The following NOL4 variants were observed in gnomAD, a reference collection of about 807,000 sequenced individuals.
NOL4 encodes nucleolar protein 4, also known as cancer/testis antigen 125.
Under a neutral mutation model 75.9 loss-of-function variants are expected in NOL4, and 17 were observed. The observed-to-expected ratio is 0.22, with a 90% CI of 0.15 to 0.34. NOL4 has a LOEUF of 0.34. Ranked by LOEUF, NOL4 falls within the 10% of genes least tolerant of loss-of-function variation. NOL4 has a pLI of 1.00. For synonymous variants in NOL4, 292 were observed against 289.9 expected, an observed-to-expected ratio of 1.01 and a Z score of -0.07; for missense variants, 614 against 793.5, an observed-to-expected ratio of 0.77 and a Z score of 2.72.
At chr18:34,024,451 A>C (rs1197107640) in intron 5 of NOL4, among the ~76,000 whole-genome samples, 1 of 151,640 alleles carries the variant, frequency 6.6e-6, no homozygotes, top group African/African-American at 2.4e-5. Flanking sequence ...TTCATATCCA[A>C]AAAAGAAAAA....
chr18:34,187,179 C>A (rs573867834), intron 1 of NOL4, among the ~76,000 whole-genome samples: 71 of 152,226 alleles, frequency 4.7e-4, no homozygotes, highest in African/African-American at 1.6e-3. Flanking sequence ...TTGTGCTCTG[C>A]CTATTCATCC....
chr18:34,093,379 G>T, intron 5 of NOL4, 86 bp downstream of exon 5: 1 of 1,315,178 alleles, frequency 7.6e-7, no homozygotes, highest in Non-Finnish European at 1.0e-6. Context: ...ATTGACACAA[G>T]AATTAAGAGG....
chr18:33,997,023 G>A (rs903288105), intron 6 of NOL4, among the ~76,000 whole-genome samples: 29 of 151,644 alleles, frequency 1.9e-4, no homozygotes, highest in Non-Finnish European at 2.5e-4. Context: ...TGCATAATTC[G>A]CAAATATATT....
At chr18:34,014,052 G>A (rs1049819112) in intron 6 of NOL4, among the ~76,000 whole-genome samples, 4 of 151,696 alleles carry the variant, frequency 2.6e-5, no homozygotes, top group South Asian at 4.1e-4. Context: ...TCAATCCATC[G>A]CTCTTAGTTT....
intron 10 of NOL4, among the ~76,000 whole-genome samples, chr18:33,879,860 G>A (rs1273645990): frequency 1.3e-5 from 2 of 151,888 alleles, no homozygotes; most frequent in African/African-American, 4.8e-5. Context: ...TTGTCAGTGG[G>A]TCTTTGAAAT....
At chr18:33,891,442 T>C (rs558220664) in intron 9 of NOL4, among the ~76,000 whole-genome samples, 35 of 152,130 alleles carry the variant, frequency 2.3e-4, no homozygotes, top group Non-Finnish European at 4.1e-4. Flanking sequence ...CTGCAAATAC[T>C]TGTAGCTATG....
At chr18:34,052,485 C>T (rs1346823331) in intron 5 of NOL4, among the ~76,000 whole-genome samples, 1 of 151,958 alleles carries the variant, frequency 6.6e-6, no homozygotes, top group Admixed American at 6.6e-5. Context: ...GTGTTAAACA[C>T]AAACATAGAG....
intron 2 of NOL4, among the ~76,000 whole-genome samples, chr18:34,128,579 G>A (rs2080487279): frequency 6.6e-6 from 1 of 151,868 alleles, no homozygotes; most frequent in Non-Finnish European, 1.5e-5. Flanking sequence ...CATTAGTCAT[G>A]AAAAGAATGT....
intron 9 of NOL4, among the ~76,000 whole-genome samples, chr18:33,908,297 C>T (rs772330024): frequency 9.2e-5 from 14 of 152,202 alleles, no homozygotes; most frequent in South Asian, 2.1e-4. Flanking sequence ...TATTTCTTTT[C>T]GAGCAAGTAG....
chr18:34,209,823 G>A (rs570351741), intron 1 of NOL4, among the ~76,000 whole-genome samples: 2 of 152,232 alleles, frequency 1.3e-5, no homozygotes, highest in African/African-American at 4.8e-5. Flanking sequence ...TGATTTAAAG[G>A]GGTTAAAATA....
At chr18:33,901,950 AG>A (rs1295422660) in intron 9 of NOL4, among the ~76,000 whole-genome samples, 1 of 152,086 alleles carries the variant, frequency 6.6e-6, no homozygotes, top group Non-Finnish European at 1.5e-5. Flanking sequence ...TATTTTTAGT[AG>A]GAAAGCTTAA....
intron 10 of NOL4, among the ~76,000 whole-genome samples, chr18:33,862,214 C>A (rs1230669539): frequency 1.3e-5 from 2 of 152,018 alleles, no homozygotes; most frequent in Non-Finnish European, 2.9e-5. Flanking sequence ...ACTGGCTAGC[C>A]ATATGTAGAA....
intron 6 of NOL4, among the ~76,000 whole-genome samples, chr18:34,000,762 A>G (rs2073638778): frequency 6.6e-6 from 1 of 152,148 alleles, no homozygotes; most frequent in South Asian, 2.1e-4. Context: ...CATATTATTA[A>G]TTATGGGCAA....
chr18:33,966,830 T>C (rs1193846925), intron 6 of NOL4, among the ~76,000 whole-genome samples: 1 of 152,074 alleles, frequency 6.6e-6, no homozygotes, highest in African/African-American at 2.4e-5. Flanking sequence ...AAATCAGAGA[T>C]GACATAAGCA....
chr18:33,959,040 T>A (rs1466283275), intron 6 of NOL4, among the ~76,000 whole-genome samples: 1 of 152,122 alleles, frequency 6.6e-6, no homozygotes, highest in African/African-American at 2.4e-5. Context: ...TGATTTGGGT[T>A]TAGAAAATGG....
At chr18:34,054,827 T>C (rs2076768570) in intron 5 of NOL4, among the ~76,000 whole-genome samples, 1 of 151,774 alleles carries the variant, frequency 6.6e-6, no homozygotes, top group Non-Finnish European at 1.5e-5. Context: ...TGTTGACTTT[T>C]GGTAATGGCA....
chr18:33,939,032 G>GTTT, intron 9 of NOL4, among the ~76,000 whole-genome samples: 1 of 152,124 alleles, frequency 6.6e-6, no homozygotes. Context: ...ATTAAATAGG[G>GTTT]AATCCTTTCC....
At chr18:34,006,930 C>T (rs1252029208) in intron 6 of NOL4, among the ~76,000 whole-genome samples, 2 of 151,854 alleles carry the variant, frequency 1.3e-5, no homozygotes, top group Admixed American at 1.3e-4. Context: ...GATTTATGAG[C>T]CCAGGAATCA....
intron 5 of NOL4, among the ~76,000 whole-genome samples, chr18:34,061,429 A>G (rs116789821): frequency 3.3e-5 from 5 of 152,316 alleles, no homozygotes; most frequent in African/African-American, 9.6e-5. Context: ...TACTGTGATT[A>G]TAAGTTGAGA....
Sources: allele counts gnomAD v4.1 joint callset (sites outside exome capture counted in the v4.1 genomes callset), GRCh38; gene constraint gnomAD v4.1.1; transcripts MANE v1.5; gene names NCBI Gene and HGNC (gene_info 2026-07-23, HGNC 2026-07-21).